Variants in CGNL1 observed in about 807,000 individuals in gnomAD.
The protein encoded by CGNL1 is cingulin like 1.
Under a neutral mutation model 141.2 loss-of-function variants are expected in CGNL1, and 132 were observed. The ratio of observed to expected loss-of-function variants is 0.93; its 90% CI spans 0.81 to 1.08. CGNL1 has a LOEUF of 1.08. Ranked by LOEUF, CGNL1 falls within the 50% of genes least tolerant of loss-of-function variation. CGNL1 has a pLI of 0.00. For missense variants in CGNL1, 1,870 were observed against 1,588.6 expected, an observed-to-expected ratio of 1.18 and a Z score of -3.01; for synonymous variants, 690 against 622.1, an observed-to-expected ratio of 1.11 and a Z score of -1.63.
intron 8 of CGNL1, among the ~76,000 whole-genome samples, chr15:57,483,628 G>A (rs12148280): frequency 0.11 from 17,472 of 151,960 alleles, 1,059 homozygotes; most frequent in Middle Eastern, 0.15. Flanking sequence ...TATTACGCAG[G>A]CTAGAAGCTC....
intron 3 of CGNL1, among the ~76,000 whole-genome samples, chr15:57,441,895 T>A (rs2063191588): frequency 6.6e-6 from 1 of 152,202 alleles, no homozygotes; most frequent in Non-Finnish European, 1.5e-5. Context: ...TTAGGGGTTT[T>A]ATTTTTTTAA....
chr15:57,512,074 T>C (rs1438490878), intron 8 of CGNL1, among the ~76,000 whole-genome samples: 1 of 152,170 alleles, frequency 6.6e-6, no homozygotes, highest in Non-Finnish European at 1.5e-5. Flanking sequence ...CTTTACCAGC[T>C]CTGTCTTGGT....
At chr15:57,425,678 T>C (rs1313812359) in intron 1 of CGNL1, among the ~76,000 whole-genome samples, 1 of 149,392 alleles carries the variant, frequency 6.7e-6, no homozygotes, top group East Asian at 1.9e-4. Flanking sequence ...GAGATAGAGA[T>C]TGCAATGAGC....
intron 7 of CGNL1, among the ~76,000 whole-genome samples, chr15:57,458,845 G>A (rs559234908): frequency 2.0e-4 from 31 of 152,270 alleles, no homozygotes; most frequent in Non-Finnish European, 3.7e-4. Flanking sequence ...AGCCAGAGCC[G>A]GCCTCGTTAC....
At chr15:57,429,733 C>A (rs1001277370) in intron 1 of CGNL1, among the ~76,000 whole-genome samples, 6 of 152,166 alleles carry the variant, frequency 3.9e-5, no homozygotes, top group African/African-American at 1.4e-4. Flanking sequence ...GTCTTTTTCT[C>A]ATAAGTGTTT....
At chr15:57,392,262 C>T (rs2062552151) in intron 1 of CGNL1, among the ~76,000 whole-genome samples, 1 of 151,988 alleles carries the variant, frequency 6.6e-6, no homozygotes, top group South Asian at 2.1e-4. Flanking sequence ...GAAACCAAGG[C>T]CCTAACAGGG....
At chr15:57,382,971 C>T (rs2062439847) in intron 1 of CGNL1, among the ~76,000 whole-genome samples, 1 of 152,146 alleles carries the variant, frequency 6.6e-6, no homozygotes, top group Admixed American at 6.5e-5. Flanking sequence ...AATATATATC[C>T]TTGAACTCTT....
In CGNL1 at chr15:57,438,456, C is replaced by T; in HGVS notation, c.457C>T (p.Gln153Ter). The T allele has an allele frequency of 6.2e-7, 1 of 1,614,192 alleles. No homozygotes were observed. The highest frequency in any genetic ancestry group is 8.5e-7 in the Non-Finnish European group (1 of 1,180,036). The change falls in exon 2 of 19, where the codon CAA becomes TAA. Residue 153 changes from glutamine to a stop codon, truncating the protein, a stop_gained. Transcript: ENST00000281282. LOFTEE classifies it high-confidence loss of function. ...CTTTCAGAGGCATCCAGAGCTTTTG[C>T]AACCCTATGACCCTGAAAAGAATGA... ...LNFQRHPELL[Q>*]PYDPEKNELN...
At chr15:57,417,979 CA>C (rs1479993797) in intron 1 of CGNL1, among the ~76,000 whole-genome samples, 3 of 152,018 alleles carry the variant, frequency 2.0e-5, no homozygotes, top group African/African-American at 7.2e-5. Context: ...TGCATACGAA[CA>C]GGGGTGGAGG....
intron 8 of CGNL1, among the ~76,000 whole-genome samples, chr15:57,515,943 G>A (rs1456271045): frequency 6.6e-6 from 1 of 152,024 alleles, no homozygotes; most frequent in Admixed American, 6.6e-5. Flanking sequence ...CAGATGATGA[G>A]CTCAGGAGAT....
rs766123717 is a variant in CGNL1, at chr15:57,438,360, C to G, written c.361C>G (p.Leu121Val). 3 of 1,614,172 alleles carry G rather than the reference C, an allele frequency of 1.9e-6. No homozygotes were observed. Among genetic ancestry groups the G allele is most frequent in the Non-Finnish European group, 1.7e-6 (2 of 1,180,040 alleles). ...PSPIRNLKQP[L>V]LHEGKNGVLD... ...CCCAATAAGAAACCTGAAACAGCCC[C>G]TGCTCCATGAGGGCAAGAATGGAGT... is the stretch of plus-strand genomic sequence containing the variant. The change falls in exon 2 of 19, where the codon CTG becomes GTG. Residue 121 changes from leucine to valine, a missense_variant. Physicochemically the swap from Leu to Val is conservative, Grantham distance 32 (BLOSUM62 1). Transcript: ENST00000281282.
intron 8 of CGNL1, among the ~76,000 whole-genome samples, chr15:57,497,648 A>G (rs1407640446): frequency 6.6e-6 from 1 of 152,186 alleles, no homozygotes; most frequent in Admixed American, 6.5e-5. Context: ...CAGTTTCCAG[A>G]AATGCAGCAG....
chr15:57,422,755 T>C (rs1204224813), intron 1 of CGNL1, among the ~76,000 whole-genome samples: 1 of 152,162 alleles, frequency 6.6e-6, no homozygotes, highest in Non-Finnish European at 1.5e-5. Context: ...AGTGTCAGTA[T>C]TGGCTTTAGG....
At chr15:57,428,232 ATAAT>A (rs1299768382) in intron 1 of CGNL1, among the ~76,000 whole-genome samples, 5 of 152,224 alleles carry the variant, frequency 3.3e-5, no homozygotes, top group Non-Finnish European at 7.3e-5. Flanking sequence ...CCATGTGAGC[ATAAT>A]TAAATACAAA....
chr15:57,509,891 T>C (rs780097088), intron 8 of CGNL1, among the ~76,000 whole-genome samples: 1 of 152,234 alleles, frequency 6.6e-6, no homozygotes, highest in Non-Finnish European at 1.5e-5. Flanking sequence ...AAGAATGTTT[T>C]TCTTAGATGC....
intron 9 of CGNL1, among the ~76,000 whole-genome samples, chr15:57,518,011 A>G (rs973277200): frequency 6.8e-6 from 1 of 146,802 alleles, no homozygotes; most frequent in Non-Finnish European, 1.5e-5. Flanking sequence ...AAAAAAAAAA[A>G]TACCCCAGCT....
At chr15:57,408,744 A>G (rs1363533410) in intron 1 of CGNL1, among the ~76,000 whole-genome samples, 1 of 151,864 alleles carries the variant, frequency 6.6e-6, no homozygotes, top group African/African-American at 2.4e-5. Flanking sequence ...CGTTCTTGAA[A>G]TTGCCTTTAG....
chr15:57,500,813 C>T (rs2064013585), intron 8 of CGNL1, among the ~76,000 whole-genome samples: 1 of 152,154 alleles, frequency 6.6e-6, no homozygotes, highest in African/African-American at 2.4e-5. Context: ...AATCGGCTAA[C>T]TGAATGCTTA....
At chr15:57,485,374 G>T (rs2063773526) in intron 8 of CGNL1, among the ~76,000 whole-genome samples, 1 of 152,120 alleles carries the variant, frequency 6.6e-6, no homozygotes, top group South Asian at 2.1e-4. Flanking sequence ...GCTAGAAAGA[G>T]ATTTCAAAAA....
Sources: gnomAD v4.1 joint callset for allele counts (sites outside exome capture counted in the v4.1 genomes callset) on GRCh38, gnomAD v4.1.1 for gene constraint, MANE v1.5 for transcripts, NCBI Gene and HGNC (gene_info 2026-07-23, HGNC 2026-07-21) for gene names.